CLN8: variants seen among roughly 807,000 people sequenced by gnomAD.
CLN8 encodes the protein protein CLN8.
In CLN8, 14 loss-of-function variants were observed where a neutral mutation model predicts 15.7. The ratio of observed to expected loss-of-function variants is 0.89; its 90% confidence interval spans 0.59 to 1.39. The LOEUF is 1.39. Ranked by LOEUF, CLN8 falls within the 40% of genes most tolerant of loss-of-function variation. CLN8 has a pLI of 0.00. For missense variants in CLN8, 415 were observed against 364.0 expected (o/e 1.14, Z -1.14); for synonymous variants, 188 against 151.0 (o/e 1.25, Z -1.80).
exon 1 of CLN8, chr8:1,755,784 C>G (rs1373578221): frequency 6.6e-6 from 1 of 152,218 alleles, no homozygotes; most frequent in Non-Finnish European, 1.5e-5. Context: ...CTGGAATGAA[C>G]TCCATGCTTG....
At chr8:1,770,588 A>G (rs1801258526) in intron 1 of CLN8, among the ~76,000 whole-genome samples, 1 of 152,126 alleles carries the variant, frequency 6.6e-6, no homozygotes, top group South Asian at 2.1e-4. Flanking sequence ...TAATGACTTA[A>G]ATATGTTTCA....
intron 2 of CLN8, among the ~76,000 whole-genome samples, chr8:1,774,914 AAGGTTACAGTG>A (rs1417828442): frequency 6.6e-6 from 1 of 152,182 alleles, no homozygotes; most frequent in Admixed American, 6.5e-5. Flanking sequence ...CTGGGAGTTC[AAGGTTACAGTG>A]AGCTGTGATT....
At chr8:1,758,206 A>T (rs1335005663) in intron 1 of CLN8, 2 of 152,260 alleles carry the variant, frequency 1.3e-5, no homozygotes, top group East Asian at 3.8e-4. Context: ...ATCAGCAGAA[A>T]GACAGTTTTC....
intron 1 of CLN8, among the ~76,000 whole-genome samples, chr8:1,767,752 T>TA (rs1801126902): frequency 1.3e-5 from 2 of 151,592 alleles, no homozygotes; most frequent in Admixed American, 1.3e-4. Context: ...TTTGTATCTC[T>TA]AATAGAGTCG....
chr8:1,773,844 A>G (rs1029770394), intron 2 of CLN8: 3 of 152,250 alleles, frequency 2.0e-5, no homozygotes. Flanking sequence ...AAAGGAAAGC[A>G]GAGGCGCTCA....
At chr8:1,754,968 T>C (rs1366908576), upstream of CLN8, among the ~76,000 whole-genome samples, 1 of 152,210 alleles carries the variant, frequency 6.6e-6, no homozygotes, top group Non-Finnish European at 1.5e-5. Flanking sequence ...CCAGAACCCC[T>C]TCCGTGACAG....
At chr8:1,770,406 G>A (rs1347841195) in intron 1 of CLN8, among the ~76,000 whole-genome samples, 1 of 152,136 alleles carries the variant, frequency 6.6e-6, no homozygotes, top group Non-Finnish European at 1.5e-5. Flanking sequence ...GCAGAGTGCC[G>A]TAGGTCACAG....
rs868159911 is a variant in CLN8, at chr8:1,782,938, G to A, written c.*2371G>A. 2 of 152,362 alleles carry A rather than the reference G, an allele frequency of 1.3e-5. No individual in the cohort carries two copies. The highest frequency in any genetic ancestry group is 4.1e-4 in the South Asian group (2 of 4,834). 9.4% of individuals were successfully genotyped at this position (152,362 alleles called of 1,614,324 possible). ...GTGGATGCATAGAGATGGAGGTGCT[G>A]TAGAGAAGCACAGGCTCACCCGCTC... On this transcript the variant is annotated 3_prime_UTR_variant, in exon 3 of 3. Coordinates refer to ENST00000331222, the MANE Select transcript of CLN8 (RefSeq NM_018941.4).
intron 2 of CLN8, 65 bp from the exon 3 acceptor site, chr8:1,780,185 G>A: frequency 1.2e-6 from 2 of 1,612,518 alleles, no homozygotes; most frequent in Non-Finnish European, 1.7e-6. Context: ...ATACCTTTTT[G>A]TGATGTGAAG....
upstream of CLN8, chr8:1,759,069 T>A (rs1800733796): frequency 6.6e-6 from 1 of 152,108 alleles, no homozygotes; most frequent in Admixed American, 6.6e-5. Flanking sequence ...TAGAGTCAGG[T>A]TGGAATGTAG....
chr8:1,768,775 C>A (rs1043990569), intron 1 of CLN8, among the ~76,000 whole-genome samples: 2 of 152,182 alleles, frequency 1.3e-5, no homozygotes, highest in Non-Finnish European at 2.9e-5. Flanking sequence ...AGGGGTTCAA[C>A]GATGCCTTGC....
chr8:1,753,815 G>A (rs1800606767), upstream of CLN8, among the ~76,000 whole-genome samples: 1 of 151,644 alleles, frequency 6.6e-6, no homozygotes, highest in African/African-American at 2.4e-5. Flanking sequence ...GAACCCGGGA[G>A]GCAGAGGTTG....
rs1178124447 is a variant in CLN8 at position 1,783,334 on chromosome 8, G to A, written c.*2767G>A. 1 of 152,234 alleles carries A rather than the reference G, an allele frequency of 6.6e-6. No homozygotes were observed. Among genetic ancestry groups the A allele is most frequent in the Non-Finnish European group, 1.5e-5 (1 of 68,048 alleles). 9.4% of individuals were successfully genotyped at this position (152,234 alleles called of 1,614,324 possible). On this transcript the variant is annotated 3_prime_UTR_variant, in exon 3 of 3. Transcript: ENST00000331222. ...TTAAACGAGGTGAGTTCACATAACA[G>A]GAATTCTGGAACTGCTTGAAAACTA...
At chr8:1,779,828 C>T in intron 2 of CLN8, 1 of 379,030 alleles carries the variant, frequency 2.6e-6, no homozygotes, top group Non-Finnish European at 3.6e-6. Flanking sequence ...ACCCCCATGA[C>T]CTCATCACTT....
rs933753788 is a variant in CLN8 at position 1,771,132 on chromosome 8, G to A, written c.78G>A (p.Thr26=). ...LDYASWGIRS[T]LMVAGFVFYL... is the part of the protein sequence containing the mutation. ...ATGCATCCTGGGGGATCCGCTCCAC[G>A]CTGATGGTCGCTGGCTTTGTCTTCT... Residue 26 remains threonine (T), a synonymous_variant, in exon 2 of 3, where the codon ACG becomes ACA. Transcript: ENST00000331222. The A allele has an allele frequency of 6.8e-6, 11 of 1,613,912 alleles. No individual in the cohort carries two copies. The highest frequency in any genetic ancestry group is 4.0e-5 in the African/African-American group (3 of 74,884).
In CLN8 at chr8:1,767,941, C is replaced by G. The variant is rs531278462; in HGVS notation, c.-123-2991C>G. Reference sequence around the variant, plus strand: ...GGTGGTTAGGAAAGAAACTTGTTTTCTTTCTTTCTTTTTTTTTTTGAGATG... The same window carrying G: ...GGTGGTTAGGAAAGAAACTTGTTTTGTTTCTTTCTTTTTTTTTTTGAGATG... On this transcript the variant is annotated intron_variant, in intron 1 of 2. Transcript: ENST00000331222. Among the ~76,000 whole-genome samples, 23 of 149,832 alleles carry G rather than the reference C, an allele frequency of 1.5e-4. No individual in the cohort carries two copies. The Middle Eastern group carries it at 0.011, about 69-fold the overall frequency.
At chr8:1,765,345 G>A (rs1170791214) in intron 1 of CLN8, 2 of 152,162 alleles carry the variant, frequency 1.3e-5, no homozygotes, top group African/African-American at 4.8e-5. Context: ...AAAAAGAAGA[G>A]TTTATATCTA....
At chr8:1,759,958 C>T (rs921242156), upstream of CLN8, 10 of 152,172 alleles carry the variant, frequency 6.6e-5, no homozygotes, top group Non-Finnish European at 1.0e-4. Context: ...CCCATCCCTC[C>T]GCTAATGGCT....
chr8:1,762,768 GC>G (rs1208651418), upstream of CLN8: 3 of 152,226 alleles, frequency 2.0e-5, no homozygotes, highest in African/African-American at 7.2e-5. Context: ...AGGGTCCAAG[GC>G]CGACTATACC....
Sources: gnomAD v4.1 joint callset for allele counts (sites outside exome capture counted in the v4.1 genomes callset) on GRCh38, gnomAD v4.1.1 for gene constraint, MANE v1.5 for transcripts, NCBI Gene and HGNC (gene_info 2026-07-23, HGNC 2026-07-21) for gene names.